The following ABHD2 variants were observed in gnomAD, a reference collection of about 807,000 sequenced individuals.
ABHD2 encodes abhydrolase domain containing 2, acylglycerol lipase.
In ABHD2, 20 loss-of-function variants were observed where a neutral mutation model predicts 48.1. The observed-to-expected ratio is 0.42, with a 90% CI of 0.29 to 0.60. The LOEUF (loss-of-function observed/expected upper bound fraction) is 0.60. ABHD2 is among the 20% of genes least tolerant of loss of function. The probability of loss-of-function intolerance (pLI) is 0.24; values close to 1 mark genes in which losing one functional copy is unlikely to be tolerated. For missense variants in ABHD2, 405 were observed against 550.9 expected, an observed-to-expected ratio of 0.74 and a Z score of 2.65; for synonymous variants, 209 against 214.2, an observed-to-expected ratio of 0.98 and a Z score of 0.21.
At chr15:89,171,880 T>C (rs1045542398) in intron 5 of ABHD2, among the ~76,000 whole-genome samples, 5 of 152,200 alleles carry the variant, frequency 3.3e-5, no homozygotes, top group Non-Finnish European at 7.3e-5. Context: ...CCCCAGACGT[T>C]CTGACTTAAT....
At chr15:89,142,777 G>C (rs569833087) in intron 3 of ABHD2, among the ~76,000 whole-genome samples, 19 of 152,044 alleles carry the variant, frequency 1.2e-4, no homozygotes, top group Non-Finnish European at 2.6e-4. Context: ...ACATTTATTG[G>C]TCTCAAGTCT....
chr15:89,195,053 C>T lies in ABHD2; in HGVS notation c.1082-174C>T, dbSNP rs117423216. On this transcript the variant is annotated intron_variant, in intron 10 of 10. Transcript: ENST00000352732. The surrounding 1 kb of genome is among the most constrained non-coding windows in gnomAD (Gnocchi z 5.1). The stretch of plus-strand genomic sequence containing the variant: ...GCTGTACTCTAAAACCTGCTAGATG[C>T]CACTGTCTTGCCTGCCCCCTCTTTG... Among the ~76,000 whole-genome samples the T allele has an allele frequency of 6.6e-6, 1 of 152,202 alleles. No homozygotes were observed. Among genetic ancestry groups the T allele is most frequent in the African/African-American group, 2.4e-5 (1 of 41,450 alleles).
chr15:89,201,867 G>A lies in ABHD2; in HGVS notation c.*6444G>A, dbSNP rs1596176827. On this transcript the variant is annotated 3_prime_UTR_variant, in exon 11 of 11. Transcript: ENST00000352732. The stretch of plus-strand genomic sequence containing the variant: ...GGGGCGGGGGACGATGGCGAGAGGG[G>A]AGGGGGAGCGAGTTCGCATCTCTCC... The A allele has an allele frequency of 2.5e-5, 19 of 750,406 alleles. No homozygotes were observed. Among genetic ancestry groups the A allele is most frequent in the South Asian group, 2.2e-4 (14 of 62,498 alleles). 46.5% of individuals were successfully genotyped at this position (750,406 alleles called of 1,614,324 possible).
intron 6 of ABHD2, among the ~76,000 whole-genome samples, chr15:89,178,140 C>A (rs1248755747): frequency 2.0e-5 from 3 of 152,218 alleles, no homozygotes; most frequent in Admixed American, 1.3e-4. Context: ...CAAGTTGCAA[C>A]TTTATTGTCT....
the ABHD2 span, among the ~76,000 whole-genome samples, chr15:89,068,227 CTGTG>C: frequency 4.7e-5 from 7 of 148,750 alleles, no homozygotes; most frequent in African/African-American, 1.7e-4. Context: ...CACACAAACT[CTGTG>C]TGTGTGCATG....
At chr15:89,171,873 C>A (rs536179417) in intron 5 of ABHD2, among the ~76,000 whole-genome samples, 1 of 152,198 alleles carries the variant, frequency 6.6e-6, no homozygotes, top group Non-Finnish European at 1.5e-5. Flanking sequence ...ATCCCACCCC[C>A]AGACGTTCTG....
Position 89,188,055 on chromosome 15 carries a change from A to T in ABHD2, c.816-138A>T. 1.5e-6 allele frequency: 1 copy of T among 651,170 alleles called. No individual in the cohort carries two copies. Among genetic ancestry groups the T allele is most frequent in the Non-Finnish European group, 2.7e-6 (1 of 369,238 alleles). 40.3% of individuals were successfully genotyped at this position (651,170 alleles called of 1,614,324 possible). ...ACAGCGCCAGCTCATCCTCTGGGAC[A>T]TTCCAAAGGCTAAAGGTTCTATTTC... On this transcript the variant is annotated intron_variant, in intron 7 of 10. Transcript: ENST00000352732. The surrounding 1 kb of genome is among the most constrained non-coding windows in gnomAD (Gnocchi z 4.1).
intron 1 of ABHD2, among the ~76,000 whole-genome samples, chr15:89,103,622 G>T (rs1248005730): frequency 6.6e-6 from 1 of 152,166 alleles, no homozygotes; most frequent in East Asian, 1.9e-4. Context: ...AGCACAGAAT[G>T]TTCAGGGGGG....
rs2050337483 is a variant in ABHD2 at position 89,137,687 on chromosome 15, T to C, written c.195-13990T>C. 6.6e-6 allele frequency among the ~76,000 whole-genome samples: 1 copy of C among 152,230 alleles called. No homozygotes were observed. The highest frequency in any genetic ancestry group is 2.4e-5 in the African/African-American group (1 of 41,450). On this transcript the variant is annotated intron_variant, in intron 3 of 10. Transcript: ENST00000352732. The surrounding 1 kb of genome is among the most constrained non-coding windows in gnomAD (Gnocchi z 4.8). ...TTTAGCAACAACAGTGAAAATGTAA[T>C]GTGTGACAGCTGTGGAGAAGAATTT...
the ABHD2 span, among the ~76,000 whole-genome samples, chr15:89,052,455 A>G: frequency 6.6e-6 from 1 of 152,078 alleles, no homozygotes; most frequent in Admixed American, 6.6e-5. Context: ...TGTTTGATGT[A>G]AATGCCTCCT....
the ABHD2 span, among the ~76,000 whole-genome samples, chr15:89,071,426 GA>G: frequency 6.7e-6 from 1 of 150,260 alleles, no homozygotes; most frequent in Non-Finnish European, 1.5e-5. Flanking sequence ...CGTCTCAAAA[GA>G]AAAAAAAAGA....
the ABHD2 span, among the ~76,000 whole-genome samples, chr15:89,065,533 C>G: frequency 1.3e-5 from 2 of 152,148 alleles, no homozygotes; most frequent in Non-Finnish European, 2.9e-5. Flanking sequence ...GCCAAACACT[C>G]CCTTCCTAAG....
intron 3 of ABHD2, among the ~76,000 whole-genome samples, chr15:89,121,679 T>C (rs1357285671): frequency 6.6e-6 from 1 of 152,134 alleles, no homozygotes; most frequent in Non-Finnish European, 1.5e-5. Context: ...AGCCGAGGCA[T>C]GAACCTACCT....
the ABHD2 span, among the ~76,000 whole-genome samples, chr15:89,076,910 G>A: frequency 6.0e-3 from 915 of 152,316 alleles, 10 homozygotes; most frequent in African/African-American, 0.021. Context: ...TGGAAGAGGA[G>A]AAAAGACCCT....
At chr15:89,129,764 A>G (rs1227544395) in intron 3 of ABHD2, among the ~76,000 whole-genome samples, 2 of 151,992 alleles carry the variant, frequency 1.3e-5, no homozygotes, top group Non-Finnish European at 2.9e-5. Flanking sequence ...GTATAATAGC[A>G]CTTATTTCAT....
intron 3 of ABHD2, among the ~76,000 whole-genome samples, chr15:89,135,152 T>TTTTC (rs2050285457): frequency 1.3e-5 from 2 of 148,610 alleles, no homozygotes; most frequent in African/African-American, 2.5e-5. Context: ...TCTTTTTTTT[T>TTTTC]TTTTTTTTTG....
rs1202448454 is a variant in ABHD2 at position 89,114,434 on chromosome 15, C to T, written c.-7+610C>T. Among the ~76,000 whole-genome samples the T allele has an allele frequency of 6.6e-6, 1 of 152,030 alleles. No individual in the cohort carries two copies. The highest frequency in any genetic ancestry group is 2.4e-5 in the African/African-American group (1 of 41,388). ...AGACAGCTTTCAGGGGATATGACCC[C>T]AGGAGTGAGGAGGAGTGTCACCAGA... On this transcript the variant is annotated intron_variant, in intron 2 of 10. Coordinates refer to ENST00000352732, the MANE Select transcript of ABHD2 (RefSeq NM_152924.5). The surrounding 1 kb of genome is among the most constrained non-coding windows in gnomAD (Gnocchi z 4.2).
intron 3 of ABHD2, among the ~76,000 whole-genome samples, chr15:89,124,424 C>T (rs1159432090): frequency 1.3e-5 from 2 of 151,108 alleles, no homozygotes; most frequent in African/African-American, 4.9e-5. Context: ...TAGGCCCCTC[C>T]TAGGTAAAAA....
chr15:89,160,391 T>C (rs2050743954), intron 5 of ABHD2, among the ~76,000 whole-genome samples: 1 of 152,206 alleles, frequency 6.6e-6, no homozygotes, highest in African/African-American at 2.4e-5. Context: ...CCAGTACTGT[T>C]CTCAATTTTT....
Sources: gnomAD v4.1 joint callset for allele counts (sites outside exome capture counted in the v4.1 genomes callset) on GRCh38, gnomAD v4.1.1 for gene constraint, Gnocchi (gnomAD v3.1) non-coding constraint, MANE v1.5 for transcripts, NCBI Gene and HGNC (gene_info 2026-07-23, HGNC 2026-07-21) for gene names.